Variants in SCNN1G observed in about 807,000 individuals in gnomAD.
SCNN1G encodes epithelial sodium channel subunit gamma.
SCNN1G carries 27 observed loss-of-function variants against 64.6 expected under a neutral mutation model. The observed-to-expected ratio is 0.42, with a 90% CI of 0.31 to 0.58. SCNN1G has a LOEUF of 0.58. SCNN1G is among the 20% of genes least tolerant of loss of function. SCNN1G has a pLI of 0.18. For missense variants in SCNN1G, 743 were observed against 823.4 expected (o/e 0.90, Z 1.19); for synonymous variants, 330 against 314.2 (o/e 1.05, Z -0.53).
In SCNN1G at chr16:23,214,772, G is replaced by A. The variant is rs1261919337; in HGVS notation, c.1554G>A (p.Glu518=). 1.9e-6 allele frequency: 3 copies of A among 1,613,928 alleles called. No homozygotes were observed. The highest frequency in any genetic ancestry group is 2.2e-5 in the East Asian group (1 of 44,880). The change falls in exon 12 of 13, where the codon GAG becomes GAA. Residue 518 remains glutamate (E), a synonymous_variant. Coordinates refer to ENST00000300061, the MANE Select transcript of SCNN1G (RefSeq NM_001039.4). ...YKDLNQRSIM[E]SPANSIEMLL... ...ACCTGAACCAGAGATCCATCATGGAGAGCCCAGCCAACAGTGTGAGTAGAG... is the reference window on the plus strand; with the variant it reads ...ACCTGAACCAGAGATCCATCATGGAAAGCCCAGCCAACAGTGTGAGTAGAG...
At chr16:23,198,469 G>A (rs1436635392) in intron 6 of SCNN1G, among the ~76,000 whole-genome samples, 2 of 152,210 alleles carry the variant, frequency 1.3e-5, no homozygotes, top group African/African-American at 4.8e-5. Context: ...AGTGGCTCAT[G>A]CCTATAATCC....
rs377146901 is a variant in SCNN1G at position 23,187,053 on chromosome 16, T to C, written c.317+465T>C. On this transcript the variant is annotated intron_variant, in intron 2 of 12. Coordinates refer to ENST00000300061, the MANE Select transcript of SCNN1G (RefSeq NM_001039.4). The stretch of plus-strand genomic sequence containing the variant: ...CTGACCTCAGGTGATCCACCCGCCT[T>C]GGCCTCCCAAAGTGCTTGGATTACA... Among the ~76,000 whole-genome samples, 137 of 151,878 alleles carry C rather than the reference T, an allele frequency of 9.0e-4. 1 individual carries two copies. Among genetic ancestry groups the C allele is most frequent in the Middle Eastern group, 3.4e-3 (1 of 292 alleles).
chr16:23,193,069 CAA>C (rs56318076), intron 4 of SCNN1G, among the ~76,000 whole-genome samples: 4,008 of 68,466 alleles, frequency 0.059, 19 homozygotes, highest in Middle Eastern at 0.069. Flanking sequence ...ACTCTTGTCT[CAA>C]AAAAAAAAAA....
At chr16:23,212,468 A>G (rs373795952) in intron 8 of SCNN1G, among the ~76,000 whole-genome samples, 12 of 152,278 alleles carry the variant, frequency 7.9e-5, no homozygotes, top group African/African-American at 2.9e-4. Flanking sequence ...ATCCAAACCA[A>G]GGGTGGTCTG....
intron 2 of SCNN1G, among the ~76,000 whole-genome samples, chr16:23,187,305 C>G (rs568612770): frequency 2.0e-5 from 3 of 151,860 alleles, no homozygotes; most frequent in Non-Finnish European, 4.4e-5. Flanking sequence ...GATGGGGTCT[C>G]GCTATGTTAC....
At chr16:23,193,621 C>T (rs1165433876) in intron 4 of SCNN1G, among the ~76,000 whole-genome samples, 1 of 152,114 alleles carries the variant, frequency 6.6e-6, no homozygotes, top group African/African-American at 2.4e-5. Flanking sequence ...TGCACTTCAG[C>T]CTGGGCAAAA....
At chr16:23,204,579 TATAC>T (rs1024633345) in intron 6 of SCNN1G, among the ~76,000 whole-genome samples, 1 of 149,588 alleles carries the variant, frequency 6.7e-6, no homozygotes, top group Non-Finnish European at 1.5e-5. Context: ...TATTAATAAT[TATAC>T]ATACATAAAG....
intron 6 of SCNN1G, among the ~76,000 whole-genome samples, chr16:23,203,429 A>T (rs1172928024): frequency 6.6e-6 from 1 of 152,170 alleles, no homozygotes; most frequent in Non-Finnish European, 1.5e-5. Context: ...TCTAAAGCAC[A>T]TAGCCAGACT....
At chr16:23,196,784 T>A (rs1959801858) in intron 5 of SCNN1G, among the ~76,000 whole-genome samples, 2 of 152,302 alleles carry the variant, frequency 1.3e-5, no homozygotes, top group Admixed American at 6.5e-5. Flanking sequence ...TGGTGCTGTG[T>A]CCGCATAGAC....
At chr16:23,214,824 G>A (rs765000060) in intron 12 of SCNN1G, 37 bp downstream of exon 12, 2 of 1,506,668 alleles carry the variant, frequency 1.3e-6, no homozygotes, top group South Asian at 1.1e-5. Flanking sequence ...CCTGTCCTGG[G>A]CCTACAAATG....
At chr16:23,198,775 G>T (rs866235105) in intron 6 of SCNN1G, among the ~76,000 whole-genome samples, 3 of 151,680 alleles carry the variant, frequency 2.0e-5, no homozygotes, top group Admixed American at 6.6e-5. Context: ...ATTTAAAGGA[G>T]TTAGGTGCAG....
chr16:23,212,722 C>T lies in SCNN1G; in HGVS notation c.1339C>T (p.Leu447=). 1.9e-6 allele frequency: 3 copies of T among 1,614,182 alleles called. No individual in the cohort carries two copies. Among genetic ancestry groups the T allele is most frequent in the Non-Finnish European group, 2.5e-6 (3 of 1,180,018 alleles). ...GCATCGAGCCTTTGTCCAGGAAGAGCTGGGCTGCCAGTCTGTGTGCAAGGA... is the reference window on the plus strand; with the variant it reads ...GCATCGAGCCTTTGTCCAGGAAGAGTTGGGCTGCCAGTCTGTGTGCAAGGA... ...QLHRAFVQEE[L]GCQSVCKEAC... is the part of the protein sequence containing the mutation. The change falls in exon 9 of 13, where the codon CTG becomes TTG. Residue 447 remains leucine (L), a synonymous_variant. Coordinates refer to ENST00000300061, the MANE Select transcript of SCNN1G (RefSeq NM_001039.4).
chr16:23,198,858 C>T (rs139309592), intron 6 of SCNN1G, among the ~76,000 whole-genome samples: 4,175 of 152,052 alleles, frequency 0.027, 79 homozygotes, highest in Non-Finnish European at 0.04. Context: ...AGTTCAAGAC[C>T]AGCCTGGGCA....
Position 23,200,137 on chromosome 16 carries a change from C to G in SCNN1G, c.1077+2710C>G, listed in dbSNP as rs528638529. On this transcript the variant is annotated intron_variant, in intron 6 of 12. Coordinates refer to ENST00000300061, the MANE Select transcript of SCNN1G (RefSeq NM_001039.4). Reference sequence around the variant, plus strand: ...ACATATCCTCCAGAGAAGTGGTTTCCAAACCTGGTTGATTATCAGACTCAA... The same window carrying G: ...ACATATCCTCCAGAGAAGTGGTTTCGAAACCTGGTTGATTATCAGACTCAA... Among the ~76,000 whole-genome samples, 225 of 152,282 alleles carry G rather than the reference C, an allele frequency of 1.5e-3. 2 individuals carry two copies. Among genetic ancestry groups the G allele is most frequent in the African/African-American group, 5.0e-3 (206 of 41,566 alleles).
intron 3 of SCNN1G, among the ~76,000 whole-genome samples, chr16:23,190,016 G>A (rs1191214236): frequency 6.6e-6 from 1 of 151,958 alleles, no homozygotes; most frequent in East Asian, 1.9e-4. Context: ...GTTGCAGTGA[G>A]CCCAGATGGT....
At chr16:23,185,412 T>C (rs1479212211) in intron 1 of SCNN1G, among the ~76,000 whole-genome samples, 1 of 152,236 alleles carries the variant, frequency 6.6e-6, no homozygotes, top group Non-Finnish European at 1.5e-5. Flanking sequence ...TTGAGATGCA[T>C]CGTGCACATT....
chr16:23,186,628 G>GC (rs746927067), intron 2 of SCNN1G, 40 bp downstream of exon 2: 30 of 1,566,948 alleles, frequency 1.9e-5, no homozygotes, highest in African/African-American at 1.1e-4. Flanking sequence ...AGGGAGCCAG[G>GC]CCCCCCACAG....
intron 5 of SCNN1G, chr16:23,194,759 G>A (rs541853018): frequency 5.1e-6 from 1 of 195,930 alleles, no homozygotes; most frequent in South Asian, 1.0e-4. Flanking sequence ...ACTAATAATA[G>A]TATCTCCCAT....
At chr16:23,205,974 C>A (rs1048986263) in intron 6 of SCNN1G, among the ~76,000 whole-genome samples, 6 of 152,136 alleles carry the variant, frequency 3.9e-5, no homozygotes, top group Non-Finnish European at 1.5e-5. Context: ...GTCCTTTTTA[C>A]TACTGGGAGA....
Sources: allele counts gnomAD v4.1 joint callset (sites outside exome capture counted in the v4.1 genomes callset), GRCh38; gene constraint gnomAD v4.1.1; transcripts MANE v1.5; gene names NCBI Gene and HGNC (gene_info 2026-07-23, HGNC 2026-07-21).